DPYS: variants seen among roughly 807,000 people sequenced by gnomAD.
DPYS encodes dihydropyrimidinase, also known as dihydropyrimidine amidohydrolase.
Under a neutral mutation model 50.3 loss-of-function variants are expected in DPYS, and 39 were observed. The observed-to-expected ratio is 0.78, with a 90% confidence interval of 0.60 to 1.01. The LOEUF (loss-of-function observed/expected upper bound fraction) is 1.01, where lower values mean the gene tolerates loss of function less well. Ranked by LOEUF, DPYS falls within the 50% of genes least tolerant of loss-of-function variation. The probability of loss-of-function intolerance (pLI) is 0.00; values close to 1 mark genes in which losing one functional copy is unlikely to be tolerated. For synonymous variants in DPYS, 245 were observed against 250.7 expected, an observed-to-expected ratio of 0.98 and a Z score of 0.22; for missense variants, 659 against 680.9, an observed-to-expected ratio of 0.97 and a Z score of 0.36.
intron 8 of DPYS, among the ~76,000 whole-genome samples, chr8:104,384,536 T>G (rs1421642129): frequency 6.6e-6 from 1 of 152,230 alleles, no homozygotes; most frequent in African/African-American, 2.4e-5. Context: ...CTCTTAGCAA[T>G]CCTTGTCTTA....
rs765295990 is a variant in DPYS at position 104,444,273 on chromosome 8, C to T, written c.768G>A (p.Lys256=). The T allele has an allele frequency of 1.2e-6, 2 of 1,614,242 alleles. No homozygotes were observed. Among genetic ancestry groups the T allele is most frequent in the Non-Finnish European group, 1.7e-6 (2 of 1,180,052 alleles). The change falls in exon 4 of 10, where the codon AAG becomes AAA. Residue 256 remains lysine, a synonymous_variant. Coordinates refer to ENST00000351513, the MANE Select transcript of DPYS (RefSeq NM_001385.3). ...CATCTCTCCTTGCATCCGCTATCACCTTAGCTGCAGACTTGCTCATCACAT... is the reference window on the plus strand; with the variant it reads ...CATCTCTCCTTGCATCCGCTATCACTTTAGCTGCAGACTTGCTCATCACAT... The part of the protein sequence containing the change: ...IVHVMSKSAA[K]VIADARRDGK...
chr8:104,416,554 G>A (rs139647523), intron 7 of DPYS, among the ~76,000 whole-genome samples: 4 of 152,192 alleles, frequency 2.6e-5, no homozygotes, highest in African/African-American at 9.6e-5. Flanking sequence ...AGTGGCGGGC[G>A]CGTTAGTGAC....
At chr8:104,463,314 C>T (rs73293241) in intron 1 of DPYS, among the ~76,000 whole-genome samples, 1 of 152,124 alleles carries the variant, frequency 6.6e-6, no homozygotes, top group Admixed American at 6.5e-5. Context: ...ATTTTGATAA[C>T]CTTAACTGCC....
chr8:104,409,481 AT>A (rs1812103547), intron 7 of DPYS, among the ~76,000 whole-genome samples: 1 of 152,128 alleles, frequency 6.6e-6, no homozygotes, highest in East Asian at 1.9e-4. Context: ...AAATAAATTA[AT>A]TAATTAAATA....
At chr8:104,461,442 T>C (rs981025453) in intron 1 of DPYS, among the ~76,000 whole-genome samples, 1 of 152,190 alleles carries the variant, frequency 6.6e-6, no homozygotes, top group Non-Finnish European at 1.5e-5. Context: ...TCCTTTAAGA[T>C]GTGTCTAATA....
chr8:104,436,689 T>C (rs1813161773), intron 4 of DPYS, among the ~76,000 whole-genome samples: 1 of 151,924 alleles, frequency 6.6e-6, no homozygotes, highest in Admixed American at 6.6e-5. Context: ...AAATCTTCAT[T>C]AGTACTCTTA....
chr8:104,400,751 C>T (rs1396503265), intron 7 of DPYS, among the ~76,000 whole-genome samples: 2 of 152,212 alleles, frequency 1.3e-5, no homozygotes, highest in Non-Finnish European at 2.9e-5. Context: ...TCAAGGTTGT[C>T]TTACTGAGTC....
intron 1 of DPYS, among the ~76,000 whole-genome samples, chr8:104,457,067 T>C (rs1351094816): frequency 6.6e-6 from 1 of 152,206 alleles, no homozygotes; most frequent in Non-Finnish European, 1.5e-5. Context: ...TATATGTACA[T>C]ACCTGTGATA....
intron 7 of DPYS, among the ~76,000 whole-genome samples, chr8:104,415,510 G>C (rs1408748630): frequency 6.6e-6 from 1 of 151,554 alleles, no homozygotes; most frequent in African/African-American, 2.4e-5. Context: ...AAACAACTTG[G>C]AATAAAGAGT....
intron 4 of DPYS, among the ~76,000 whole-genome samples, chr8:104,441,624 G>T (rs1311630491): frequency 1.3e-5 from 2 of 152,190 alleles, no homozygotes; most frequent in Non-Finnish European, 2.9e-5. Flanking sequence ...CCAAGTAATT[G>T]GAGGGGCCTG....
At chr8:104,442,916 G>T (rs540675940) in intron 4 of DPYS, among the ~76,000 whole-genome samples, 1 of 152,158 alleles carries the variant, frequency 6.6e-6, no homozygotes, top group Non-Finnish European at 1.5e-5. Context: ...TTAAAAATTA[G>T]CTGGGCATGG....
intron 7 of DPYS, among the ~76,000 whole-genome samples, chr8:104,402,944 C>T (rs1374455000): frequency 6.6e-6 from 1 of 152,100 alleles, no homozygotes; most frequent in Non-Finnish European, 1.5e-5. Context: ...AAGAAATAGC[C>T]AATCATCTAT....
At chr8:104,405,744 G>A (rs1457716197) in intron 7 of DPYS, among the ~76,000 whole-genome samples, 5 of 152,234 alleles carry the variant, frequency 3.3e-5, no homozygotes, top group South Asian at 2.1e-4. Flanking sequence ...AGTCCAAGGC[G>A]GTGATGCTGA....
intron 1 of DPYS, among the ~76,000 whole-genome samples, chr8:104,463,644 G>C (rs1225090825): frequency 6.6e-6 from 1 of 152,116 alleles, no homozygotes; most frequent in African/African-American, 2.4e-5. Flanking sequence ...TGGGATTTTT[G>C]GAAGATAATG....
chr8:104,400,796 T>C (rs954257650), intron 7 of DPYS, among the ~76,000 whole-genome samples: 5 of 152,234 alleles, frequency 3.3e-5, no homozygotes, highest in Non-Finnish European at 7.3e-5. Flanking sequence ...GAAGCAGATA[T>C]GGAAGCAGAA....
At chr8:104,406,505 G>A (rs531882092) in intron 7 of DPYS, among the ~76,000 whole-genome samples, 1 of 152,324 alleles carries the variant, frequency 6.6e-6, no homozygotes, top group Admixed American at 6.5e-5. Flanking sequence ...AGGTGTGTGA[G>A]TTTGGCCTCA....
At chr8:104,462,868 T>C (rs1007084613) in intron 1 of DPYS, among the ~76,000 whole-genome samples, 1 of 152,236 alleles carries the variant, frequency 6.6e-6, no homozygotes, top group East Asian at 1.9e-4. Context: ...CAAAATGAAA[T>C]ATGATTTCTT....
Position 104,466,885 on chromosome 8 carries a change from AC to A in DPYS, c.35del (p.Gly12ValfsTer86), listed in dbSNP as rs1212167138. The A allele has an allele frequency of 2.0e-6, 3 of 1,504,018 alleles. No individual in the cohort carries two copies. 93.2% of individuals were successfully genotyped at this position (1,504,018 alleles called of 1,614,324 possible). On this transcript the variant is annotated frameshift_variant, in exon 1 of 10. Coordinates refer to ENST00000351513, the MANE Select transcript of DPYS (RefSeq NM_001385.3). LOFTEE classifies it high-confidence loss of function. ...AAPSRLLIRG[G>X]RVVNDDFSEV... is the part of the protein sequence containing the mutation. ...CCGAGAAGTCATCGTTGACCACGCG[AC>A]CCCCGCGGATCAGGAGCCGCGAGGG...
At chr8:104,391,176 T>A (rs1299629057) in intron 8 of DPYS, among the ~76,000 whole-genome samples, 1 of 152,176 alleles carries the variant, frequency 6.6e-6, no homozygotes, top group Non-Finnish European at 1.5e-5. Flanking sequence ...AAATCTTGCA[T>A]AATGGACTCT....
Sources: gnomAD v4.1 joint callset for allele counts (sites outside exome capture counted in the v4.1 genomes callset) on GRCh38, gnomAD v4.1.1 for gene constraint, MANE v1.5 for transcripts, NCBI Gene and HGNC (gene_info 2026-07-23, HGNC 2026-07-21) for gene names.